Variants in RGS7 observed in about 807,000 individuals in gnomAD.
RGS7 encodes regulator of G protein signaling 7, also known as regulator of G-protein signaling 7.
In RGS7, 27 loss-of-function variants were observed where a neutral mutation model predicts 81.1. The observed-to-expected ratio is 0.33, with a 90% CI of 0.25 to 0.46. RGS7 has a LOEUF of 0.46. Ranked by LOEUF, RGS7 falls within the 20% of genes least tolerant of loss-of-function variation. RGS7 has a pLI of 1.00. For missense variants in RGS7, 396 were observed against 607.4 expected (o/e 0.65, Z 3.66); for synonymous variants, 208 against 207.7 (o/e 1.00, Z -0.01).
chr1:241,355,375 T>C (rs966308987), intron 2 of RGS7, among the ~76,000 whole-genome samples: 7 of 152,226 alleles, frequency 4.6e-5, no homozygotes, highest in Non-Finnish European at 1.0e-4. Context: ...AAAAAGCTTC[T>C]AAAATTATTA....
At chr1:241,348,062 C>T (rs539185613) in intron 2 of RGS7, among the ~76,000 whole-genome samples, 17 of 152,218 alleles carry the variant, frequency 1.1e-4, no homozygotes, top group Admixed American at 4.6e-4. Flanking sequence ...CACTAGCCAC[C>T]AAGACCATTT....
At chr1:240,882,800 A>T (rs188317097) in intron 6 of RGS7, among the ~76,000 whole-genome samples, 1 of 152,280 alleles carries the variant, frequency 6.6e-6, no homozygotes, top group Non-Finnish European at 1.5e-5. Flanking sequence ...CTCTGCATTC[A>T]TCCCTAAACT....
intron 14 of RGS7, among the ~76,000 whole-genome samples, chr1:240,810,989 G>A (rs959076663): frequency 4.6e-5 from 7 of 152,146 alleles, no homozygotes; most frequent in Non-Finnish European, 8.8e-5. Context: ...TCATCCATGC[G>A]ACATGTGTCA....
intron 2 of RGS7, among the ~76,000 whole-genome samples, chr1:241,268,945 T>C (rs1164279315): frequency 6.6e-6 from 1 of 152,244 alleles, no homozygotes; most frequent in Non-Finnish European, 1.5e-5. Flanking sequence ...AGAAGCCACA[T>C]GCCCAATGCC....
intron 4 of RGS7, among the ~76,000 whole-genome samples, chr1:240,955,843 C>T (rs1334545072): frequency 2.0e-5 from 3 of 152,104 alleles, no homozygotes; most frequent in East Asian, 1.9e-4. Flanking sequence ...TGACACTACA[C>T]GCAGGTCTTA....
intron 6 of RGS7, among the ~76,000 whole-genome samples, chr1:240,886,398 T>C (rs1371213737): frequency 2.0e-5 from 3 of 152,254 alleles, no homozygotes; most frequent in Non-Finnish European, 4.4e-5. Flanking sequence ...AAAAGAATCA[T>C]GGTTGAATTA....
At chr1:241,247,656 TTAACTAGAA>T (rs2076612081) in intron 2 of RGS7, among the ~76,000 whole-genome samples, 1 of 152,040 alleles carries the variant, frequency 6.6e-6, no homozygotes, top group African/African-American at 2.4e-5. Context: ...CAGATTGGAT[TTAACTAGAA>T]TAACCTGGGG....
chr1:240,875,218 C>T (rs1665185129), intron 6 of RGS7, among the ~76,000 whole-genome samples: 1 of 152,154 alleles, frequency 6.6e-6, no homozygotes, highest in Non-Finnish European at 1.5e-5. Context: ...CTGGTAATCA[C>T]CATTCTACTT....
At chr1:241,220,980 AGG>A (rs2074892531) in intron 2 of RGS7, among the ~76,000 whole-genome samples, 1 of 91,338 alleles carries the variant, frequency 1.1e-5, no homozygotes, top group Admixed American at 1.3e-4. Flanking sequence ...GAAGGAAGGA[AGG>A]AAGGAAGGAA....
At chr1:241,315,287 GT>G (rs1183972900) in intron 2 of RGS7, among the ~76,000 whole-genome samples, 1 of 151,518 alleles carries the variant, frequency 6.6e-6, no homozygotes, top group African/African-American at 2.4e-5. Flanking sequence ...GTCAGTTTTT[GT>G]TTTTTGTAAT....
Position 240,868,722 on chromosome 1 carries a change from G to C in RGS7, c.527+54C>G. 6.2e-7 allele frequency: 1 copy of C among 1,611,038 alleles called. No individual in the cohort carries two copies. The highest frequency in any genetic ancestry group is 1.1e-5 in the South Asian group (1 of 91,022). On this transcript the variant is annotated intron_variant, in intron 8 of 18. Coordinates refer to ENST00000440928, the MANE Select transcript of RGS7 (RefSeq NM_001364886.1). The surrounding 1 kb of genome is among the most constrained non-coding windows in gnomAD (Gnocchi z 5.1). ...TTAGTATTAATTGTAGTGCCTCTCT[G>C]AACAAAAAGGCCACAACTGGAACAA... is the stretch of plus-strand genomic sequence containing the variant.
intron 6 of RGS7, among the ~76,000 whole-genome samples, chr1:240,882,161 C>T (rs916458716): frequency 4.6e-5 from 7 of 152,126 alleles, no homozygotes; most frequent in South Asian, 2.1e-4. Context: ...GTGATCCACC[C>T]GCCTTGGCCT....
intron 3 of RGS7, among the ~76,000 whole-genome samples, chr1:241,033,777 T>C (rs1312966946): frequency 6.6e-6 from 1 of 152,162 alleles, no homozygotes; most frequent in Non-Finnish European, 1.5e-5. Flanking sequence ...GAATCCTTAA[T>C]CTAGAGCACA....
intron 18 of RGS7, among the ~76,000 whole-genome samples, chr1:240,796,710 C>T (rs1687131807): frequency 6.6e-6 from 1 of 151,964 alleles, no homozygotes; most frequent in Non-Finnish European, 1.5e-5. Flanking sequence ...TAACAACAAA[C>T]AGATTTGATC....
At chr1:240,810,125 T>G (rs1689584125) in intron 14 of RGS7, among the ~76,000 whole-genome samples, 1 of 152,164 alleles carries the variant, frequency 6.6e-6, no homozygotes, top group Non-Finnish European at 1.5e-5. Context: ...TAGAAGCGAT[T>G]TCCCCTAGTA....
chr1:241,028,574 G>A (rs929232126), intron 3 of RGS7, among the ~76,000 whole-genome samples: 4 of 152,120 alleles, frequency 2.6e-5, no homozygotes, highest in African/African-American at 7.2e-5. Flanking sequence ...AGGAGAGCAC[G>A]GGATGAAAGA....
intron 2 of RGS7, among the ~76,000 whole-genome samples, chr1:241,307,872 C>T (rs1284130242): frequency 2.6e-5 from 4 of 152,148 alleles, no homozygotes; most frequent in Non-Finnish European, 4.4e-5. Flanking sequence ...GGGTGGGTGT[C>T]CTCAGCCAAA....
intron 2 of RGS7, among the ~76,000 whole-genome samples, chr1:241,119,571 C>T (rs1363479964): frequency 1.3e-5 from 2 of 152,168 alleles, no homozygotes; most frequent in African/African-American, 2.4e-5. Context: ...CCAGGAATGG[C>T]ATGTACTGAT....
At chr1:241,282,497 C>T (rs1033565991) in intron 2 of RGS7, among the ~76,000 whole-genome samples, 13 of 152,188 alleles carry the variant, frequency 8.5e-5, no homozygotes, top group East Asian at 3.9e-4. Flanking sequence ...GAATTTTCTA[C>T]ATAGACAATC....
Sources: gnomAD v4.1 joint callset for allele counts (sites outside exome capture counted in the v4.1 genomes callset) on GRCh38, gnomAD v4.1.1 for gene constraint, Gnocchi (gnomAD v3.1) non-coding constraint, MANE v1.5 for transcripts, NCBI Gene and HGNC (gene_info 2026-07-23, HGNC 2026-07-21) for gene names.